SRRM4: variants seen among roughly 807,000 people sequenced by gnomAD.
SRRM4 encodes the protein serine/arginine repetitive matrix 4.
SRRM4 carries 33 observed loss-of-function variants against 68.9 expected under a neutral mutation model. The ratio of observed to expected loss-of-function variants is 0.48; its 90% CI spans 0.36 to 0.64. The LOEUF (loss-of-function observed/expected upper bound fraction) is 0.64, where lower values mean the gene tolerates loss of function less well. Among genes scored for constraint, SRRM4 ranks in the 30% least tolerant of loss-of-function variants. The pLI is 0.00. For missense variants in SRRM4, 817 were observed against 827.1 expected (o/e 0.99, Z 0.15); for synonymous variants, 318 against 318.8 (o/e 1.00, Z 0.03).
At chr12:119,109,860 T>C in intron 2 of SRRM4, among the ~76,000 whole-genome samples, 1 of 152,326 alleles carries the variant, frequency 6.6e-6, no homozygotes, top group South Asian at 2.1e-4. Flanking sequence ...CTTTGTTCCA[T>C]TGTTGGCAAG....
At chr12:118,991,484 G>A (rs770363640) in intron 1 of SRRM4, among the ~76,000 whole-genome samples, 4 of 152,114 alleles carry the variant, frequency 2.6e-5, no homozygotes, top group Admixed American at 2.0e-4. Context: ...GGATTTGGGC[G>A]ATCATTGGCT....
At chr12:119,019,830 C>T (rs1306109050) in intron 1 of SRRM4, among the ~76,000 whole-genome samples, 1 of 151,940 alleles carries the variant, frequency 6.6e-6, no homozygotes, top group Admixed American at 6.6e-5. Flanking sequence ...AAGGAAACAC[C>T]AAGAAAACTT....
intron 1 of SRRM4, among the ~76,000 whole-genome samples, chr12:119,005,074 C>T (rs936265801): frequency 6.6e-6 from 1 of 152,212 alleles, no homozygotes; most frequent in Non-Finnish European, 1.5e-5. Flanking sequence ...CATAATAAAA[C>T]TTTTACAACA....
intron 1 of SRRM4, among the ~76,000 whole-genome samples, chr12:119,041,890 A>G (rs1472063892): frequency 1.3e-5 from 2 of 152,208 alleles, no homozygotes; most frequent in Admixed American, 1.3e-4. Context: ...TCCGAGCTCA[A>G]TCTTCTCAGC....
chr12:119,092,137 ATCT>A lies in SRRM4; in HGVS notation c.132-10094_132-10092del, dbSNP rs1033288377. ...CAGGCTGGGGCACTTCTATTGAGCC[ATCT>A]TCTTATTTAAAACCCCACTGGTAGA... is the stretch of plus-strand genomic sequence containing the variant. On this transcript the variant is annotated intron_variant, in intron 1 of 12. Coordinates refer to ENST00000267260, the MANE Select transcript of SRRM4 (RefSeq NM_194286.4). Among the ~76,000 whole-genome samples the A allele has an allele frequency of 8.5e-5, 13 of 152,280 alleles. 1 individual carries two copies. The highest frequency in any genetic ancestry group is 3.1e-4 in the African/African-American group (13 of 41,562).
intron 1 of SRRM4, among the ~76,000 whole-genome samples, chr12:119,005,186 A>G (rs1370154824): frequency 6.6e-6 from 1 of 152,260 alleles, no homozygotes; most frequent in Non-Finnish European, 1.5e-5. Context: ...CAAAGCATTC[A>G]GGGATTAACC....
intron 1 of SRRM4, among the ~76,000 whole-genome samples, chr12:119,025,601 T>C (rs2136003656): frequency 6.6e-6 from 1 of 150,554 alleles, no homozygotes; most frequent in South Asian, 2.1e-4. Flanking sequence ...TGTGCCACCA[T>C]GACCAGCTAA....
chr12:119,055,414 T>C (rs1953770288), intron 1 of SRRM4, among the ~76,000 whole-genome samples: 2 of 152,136 alleles, frequency 1.3e-5, no homozygotes, highest in Admixed American at 1.3e-4. Flanking sequence ...CCTCCAGGGT[T>C]TCCATAAGAA....
At chr12:119,066,018 G>A (rs1023005907) in intron 1 of SRRM4, among the ~76,000 whole-genome samples, 5 of 152,062 alleles carry the variant, frequency 3.3e-5, no homozygotes, top group African/African-American at 9.7e-5. Flanking sequence ...TTGAAGTCTC[G>A]CCTGACAAAG....
chr12:119,011,821 C>A (rs1953451587), intron 1 of SRRM4, among the ~76,000 whole-genome samples: 1 of 152,026 alleles, frequency 6.6e-6, no homozygotes, highest in African/African-American at 2.4e-5. Flanking sequence ...CATCTTACTG[C>A]ACATAGCTTG....
chr12:119,041,669 T>C (rs1594039890), intron 1 of SRRM4, among the ~76,000 whole-genome samples: 1 of 152,226 alleles, frequency 6.6e-6, no homozygotes. Flanking sequence ...GATGCCTTTG[T>C]ATTTTTAGAG....
chr12:119,024,771 G>A (rs912873246), intron 1 of SRRM4, among the ~76,000 whole-genome samples: 1 of 152,046 alleles, frequency 6.6e-6, no homozygotes, highest in Non-Finnish European at 1.5e-5. Context: ...ATCCCTTTAC[G>A]TCCAACCCAG....
At chr12:119,130,874 C>T (rs755080231) in intron 8 of SRRM4, 40 bp downstream of exon 8, 47 of 1,583,238 alleles carry the variant, frequency 3.0e-5, no homozygotes, top group Middle Eastern at 1.7e-4. Flanking sequence ...GCCTTGGCCA[C>T]GACACTTGGG....
chr12:119,053,636 C>A (rs1953758526), intron 1 of SRRM4, among the ~76,000 whole-genome samples: 1 of 152,192 alleles, frequency 6.6e-6, no homozygotes, highest in Admixed American at 6.5e-5. Flanking sequence ...CAAGTGGAAA[C>A]ACCTGCTGTG....
intron 8 of SRRM4, among the ~76,000 whole-genome samples, chr12:119,138,423 T>C (rs989349230): frequency 5.3e-5 from 8 of 152,160 alleles, no homozygotes; most frequent in Admixed American, 2.0e-4. Flanking sequence ...AGCTTCCAGA[T>C]AGTATTCTCT....
intron 1 of SRRM4, among the ~76,000 whole-genome samples, chr12:119,036,462 C>A (rs984985456): frequency 5.9e-5 from 9 of 152,204 alleles, no homozygotes; most frequent in Non-Finnish European, 8.8e-5. Flanking sequence ...CCATATCCTG[C>A]TGCTATTTTC....
chr12:119,091,507 A>G (rs1954014226), intron 1 of SRRM4, among the ~76,000 whole-genome samples: 1 of 152,192 alleles, frequency 6.6e-6, no homozygotes, highest in East Asian at 1.9e-4. Context: ...CAATCTTTGC[A>G]AGTGAGGCTG....
intron 1 of SRRM4, among the ~76,000 whole-genome samples, chr12:119,084,246 TCCTGAACACCA>T (rs1285754045): frequency 7.2e-5 from 11 of 152,224 alleles, no homozygotes; most frequent in Middle Eastern, 3.4e-3. Context: ...GGAAGAGAAC[TCCTGAACACCA>T]AACAGAGGGA....
chr12:119,049,777 T>C (rs917146892), intron 1 of SRRM4, among the ~76,000 whole-genome samples: 5 of 152,212 alleles, frequency 3.3e-5, no homozygotes, highest in Admixed American at 6.5e-5. Flanking sequence ...TCTCTCTCTT[T>C]GGCTTACAGA....
Sources: allele counts gnomAD v4.1 joint callset (sites outside exome capture counted in the v4.1 genomes callset), GRCh38; gene constraint gnomAD v4.1.1; transcripts MANE v1.5; gene names NCBI Gene and HGNC (gene_info 2026-07-23, HGNC 2026-07-21).